SUPV3L1: variants seen among roughly 807,000 people sequenced by gnomAD.
The protein encoded by SUPV3L1 is Suv3 like RNA helicase, also known as ATP-dependent RNA helicase SUPV3L1, mitochondrial.
A neutral mutation model predicts 70.0 loss-of-function variants in SUPV3L1; 35 were observed. The ratio of observed to expected loss-of-function variants is 0.50; its 90% CI spans 0.38 to 0.66. The LOEUF is 0.66. SUPV3L1 is among the 30% of genes least tolerant of loss of function. The pLI is 0.00. For synonymous variants in SUPV3L1, 364 were observed against 341.9 expected (o/e 1.06, Z -0.71); for missense variants, 777 against 961.5 (o/e 0.81, Z 2.54).
chr10:69,187,992 T>C (rs1842279492), intron 4 of SUPV3L1, among the ~76,000 whole-genome samples: 1 of 152,190 alleles, frequency 6.6e-6, no homozygotes, highest in Admixed American at 6.5e-5. Flanking sequence ...TAGCCCTGAC[T>C]TAAGGATGTT....
chr10:69,182,206 G>A (rs1263698748), intron 1 of SUPV3L1, among the ~76,000 whole-genome samples: 3 of 151,908 alleles, frequency 2.0e-5, no homozygotes, highest in Admixed American at 6.6e-5. Context: ...TGTTGCCCAG[G>A]CTGGTCTCAA....
chr10:69,196,009 A>C (rs545473005), intron 7 of SUPV3L1, among the ~76,000 whole-genome samples: 5 of 151,964 alleles, frequency 3.3e-5, no homozygotes, highest in African/African-American at 1.2e-4. Context: ...AGCCTCCCCA[A>C]ATGCTGGGAT....
chr10:69,190,556 A>G (rs556207991), intron 5 of SUPV3L1, among the ~76,000 whole-genome samples: 14 of 151,268 alleles, frequency 9.3e-5, no homozygotes, highest in African/African-American at 3.5e-4. Context: ...GAAGCAGGAC[A>G]TTTAATATTG....
rs185268538 is a variant in SUPV3L1, at chr10:69,189,759, G to C, written c.741+324G>C. 2.0e-5 allele frequency among the ~76,000 whole-genome samples: 3 copies of C among 146,568 alleles called. No individual in the cohort carries two copies. In the Admixed American group the frequency reaches 2.2e-4, roughly 11 times the overall value. ...CCTCTCGGGTTCATGCCATTCTCTT[G>C]CCTCAGCCTCCCCAGTAGCTGGGAC... On this transcript the variant is annotated intron_variant, in intron 5 of 14. Coordinates refer to ENST00000359655, the MANE Select transcript of SUPV3L1 (RefSeq NM_003171.5).
At position 69,180,539 on chromosome 10, in the gene SUPV3L1, A is replaced by T. The variant is rs1842024570; in HGVS notation, c.248A>T (p.Glu83Val). ...AGCGCCGACGGCGACGTCGGGGCCG[A>T]GCTAACCCGGCCTCTGGACAAGAGT... ...GPSADGDVGA[E>V]LTRPLDKNEV... The change falls in exon 1 of 15, where the codon GAG becomes GTG. Residue 83 changes from glutamate (E) to valine (V), a missense_variant. Glu to Val is a moderately radical substitution (Grantham distance 121). Around this residue, in one of 2 missense-constraint regions of SUPV3L1, gnomAD observed 158 missense variants for 138.3 expected, o/e 1.14. Transcript: ENST00000359655. The T allele has an allele frequency of 6.2e-7, 1 of 1,614,078 alleles. No homozygotes were observed. Among genetic ancestry groups the T allele is most frequent in the Non-Finnish European group, 8.5e-7 (1 of 1,180,032 alleles).
intron 1 of SUPV3L1, among the ~76,000 whole-genome samples, chr10:69,185,524 C>T (rs1401363335): frequency 5.8e-5 from 8 of 137,476 alleles, no homozygotes; most frequent in African/African-American, 1.3e-4. Context: ...TTTTTTGAGA[C>T]GGAGACTCGC....
intron 4 of SUPV3L1, among the ~76,000 whole-genome samples, chr10:69,188,562 G>A (rs1356236533): frequency 3.3e-5 from 5 of 151,986 alleles, no homozygotes; most frequent in Non-Finnish European, 7.4e-5. Context: ...GCAGTGGTGC[G>A]TTCTCGGCTC....
intron 11 of SUPV3L1, among the ~76,000 whole-genome samples, chr10:69,200,774 G>A (rs948843254): frequency 6.6e-6 from 1 of 152,142 alleles, no homozygotes; most frequent in Non-Finnish European, 1.5e-5. Context: ...ATCTAGCAGC[G>A]GGAAGGAACA....
intron 1 of SUPV3L1, among the ~76,000 whole-genome samples, chr10:69,185,115 T>C (rs534764682): frequency 3.9e-5 from 6 of 152,214 alleles, no homozygotes; most frequent in Admixed American, 1.3e-4. Context: ...AGTAATTCCA[T>C]TGGCAAGGAG....
chr10:69,209,046 C>CT lies in SUPV3L1; in HGVS notation c.*12dup, dbSNP rs778127805. 8.7e-6 allele frequency: 13 copies of CT among 1,490,048 alleles called. No individual in the cohort carries two copies. The highest frequency in any genetic ancestry group is 1.3e-5 in the South Asian group (1 of 74,292). 92.3% of individuals were successfully genotyped at this position (1,490,048 alleles called of 1,614,324 possible). ...CCTGATTCGGACTAGTTTTCTGTTCCTGTTTTTTTTTTTTTATTTAATTTT... is the reference window on the plus strand; with the variant it reads ...CCTGATTCGGACTAGTTTTCTGTTCCTTGTTTTTTTTTTTTTATTTAATTTT... On this transcript the variant is annotated 3_prime_UTR_variant, in exon 15 of 15. Transcript: ENST00000359655.
At chr10:69,208,013 T>C (rs1842879185) in intron 14 of SUPV3L1, 72 bp downstream of exon 14, 1 of 1,556,628 alleles carries the variant, frequency 6.4e-7, no homozygotes, top group Non-Finnish European at 8.7e-7. Flanking sequence ...GAATTTGTTT[T>C]TCTATTTCAA....
At chr10:69,206,065 C>T (rs1320436959) in intron 13 of SUPV3L1, among the ~76,000 whole-genome samples, 2 of 152,040 alleles carry the variant, frequency 1.3e-5, no homozygotes, top group Admixed American at 6.5e-5. Flanking sequence ...CCTGCTCTCT[C>T]TGCATAGCTC....
rs1049896247 is a variant in SUPV3L1, at chr10:69,180,449, C to G, written c.158C>G (p.Ser53Cys). The G allele has an allele frequency of 6.2e-7, 1 of 1,614,264 alleles. No individual in the cohort carries two copies. Among genetic ancestry groups the G allele is most frequent in the Non-Finnish European group, 8.5e-7 (1 of 1,180,046 alleles). ...CTTGCCACCGCCTCCTCCTCTGCCT[C>G]CGGTGGCTCCAAAATACCAAACACG... ...SVLATASSSA[S>C]GGSKIPNTSL... is the part of the protein sequence containing the mutation. Residue 53 changes from serine to cysteine, a missense_variant, in exon 1 of 15, where the codon TCC becomes TGC. By Grantham distance (112) the Ser-to-Cys change is moderately radical. This residue lies in a region of SUPV3L1 where 158 missense variants were observed against 138.3 expected (regional missense o/e 1.14). Coordinates refer to ENST00000359655, the MANE Select transcript of SUPV3L1 (RefSeq NM_003171.5).
chr10:69,205,232 A>C (rs996381539), intron 13 of SUPV3L1, among the ~76,000 whole-genome samples: 4 of 152,198 alleles, frequency 2.6e-5, no homozygotes, highest in African/African-American at 9.6e-5. Flanking sequence ...AAGTTTATGG[A>C]ACAGTCTTGA....
chr10:69,194,060 C>T (rs1034900740), intron 6 of SUPV3L1, among the ~76,000 whole-genome samples: 1 of 152,188 alleles, frequency 6.6e-6, no homozygotes. Flanking sequence ...GGGCTGTCAC[C>T]TCCTTGTTCT....
intron 10 of SUPV3L1, 134 bp downstream of exon 10, chr10:69,199,331 G>A: frequency 1.4e-6 from 1 of 699,724 alleles, no homozygotes; most frequent in East Asian, 2.8e-5. Context: ...CTAGATTTGA[G>A]GTTTGTCTTG....
intron 6 of SUPV3L1, among the ~76,000 whole-genome samples, chr10:69,194,357 CT>C (rs1279420482): frequency 9.1e-4 from 131 of 144,434 alleles, no homozygotes; most frequent in Admixed American, 1.2e-3. Flanking sequence ...AAAAAAAAAC[CT>C]TTTTTTTTTT....
rs1842819862 is a variant in SUPV3L1, at chr10:69,206,019, TG to T, written c.1777-1772del. The stretch of plus-strand genomic sequence containing the variant: ...CCTTTAGGGCCAGCTGCTGGATGGA[TG>T]GATGGATGGATGGATGGATGGGCGG... On this transcript the variant is annotated intron_variant, in intron 13 of 14. Transcript: ENST00000359655. Among the ~76,000 whole-genome samples, 3 of 151,902 alleles carry T rather than the reference TG, an allele frequency of 2.0e-5. No individual in the cohort carries two copies. The South Asian group carries it at 6.2e-4, about 32-fold the overall frequency.
intron 8 of SUPV3L1, among the ~76,000 whole-genome samples, chr10:69,197,947 C>G (rs1305383721): frequency 4.6e-5 from 7 of 152,148 alleles, no homozygotes; most frequent in Admixed American, 2.0e-4. Context: ...ATTTTGGAGT[C>G]CATTCTGTGT....
Sources: allele counts gnomAD v4.1 joint callset (sites outside exome capture counted in the v4.1 genomes callset), GRCh38; gene constraint gnomAD v4.1.1; regional missense constraint gnomAD v4.1.1; transcripts MANE v1.5; gene names NCBI Gene and HGNC (gene_info 2026-07-23, HGNC 2026-07-21).